GPC6: variants seen among roughly 807,000 people sequenced by gnomAD.
GPC6 encodes the protein glypican-6.
A neutral mutation model predicts 55.2 loss-of-function variants in GPC6; 14 were observed. The observed-to-expected ratio is 0.25, with a 90% CI of 0.17 to 0.40. GPC6 has a LOEUF of 0.40. GPC6 is among the 10% of genes least tolerant of loss of function. The probability of loss-of-function intolerance (pLI) is 1.00; values close to 1 mark genes in which losing one functional copy is unlikely to be tolerated. For synonymous variants in GPC6, 278 were observed against 259.6 expected (o/e 1.07, Z -0.68); for missense variants, 641 against 708.5 (o/e 0.90, Z 1.08).
intron 2 of GPC6, among the ~76,000 whole-genome samples, chr13:93,602,315 T>C (rs939633387): frequency 6.6e-6 from 1 of 152,172 alleles, no homozygotes; most frequent in Non-Finnish European, 1.5e-5. Flanking sequence ...TGGGTACAAA[T>C]TGAGGAAACA....
chr13:93,860,913 A>T (rs781277782), intron 3 of GPC6, among the ~76,000 whole-genome samples: 2 of 151,584 alleles, frequency 1.3e-5, no homozygotes, highest in Admixed American at 6.6e-5. Context: ...CATTTTTATC[A>T]TTAAAAGGGT....
chr13:93,339,683 T>G (rs1880172454), intron 1 of GPC6, among the ~76,000 whole-genome samples: 1 of 152,248 alleles, frequency 6.6e-6, no homozygotes, highest in Non-Finnish European at 1.5e-5. Context: ...TTGCAAGTTG[T>G]ACACTCATGC....
chr13:94,055,728 G>C (rs1409192303), intron 4 of GPC6, among the ~76,000 whole-genome samples: 1 of 152,120 alleles, frequency 6.6e-6, no homozygotes, highest in Non-Finnish European at 1.5e-5. Flanking sequence ...GCCCAACTCA[G>C]TAGATTTAAC....
intron 4 of GPC6, among the ~76,000 whole-genome samples, chr13:94,206,527 A>T (rs1889906493): frequency 6.6e-6 from 1 of 152,074 alleles, no homozygotes; most frequent in African/African-American, 2.4e-5. Context: ...TCCTGGAGAG[A>T]CTACCTCTCC....
chr13:94,030,518 A>G (rs532033743), intron 4 of GPC6, among the ~76,000 whole-genome samples: 1 of 152,320 alleles, frequency 6.6e-6, no homozygotes, highest in South Asian at 2.1e-4. Flanking sequence ...CATTTTCCAC[A>G]CAGATACATC....
intron 1 of GPC6, among the ~76,000 whole-genome samples, chr13:93,484,945 A>G (rs1879645259): frequency 6.6e-6 from 1 of 152,234 alleles, no homozygotes; most frequent in Admixed American, 6.5e-5. Context: ...AATACATTAA[A>G]ATATACATAC....
At chr13:93,802,075 AGTT>A (rs1488931136) in intron 2 of GPC6, among the ~76,000 whole-genome samples, 1 of 152,118 alleles carries the variant, frequency 6.6e-6, no homozygotes, top group Non-Finnish European at 1.5e-5. Flanking sequence ...AGTTCCCAGT[AGTT>A]TTATTTTTAC....
At chr13:93,656,034 A>T (rs2139605582) in intron 2 of GPC6, among the ~76,000 whole-genome samples, 1 of 152,324 alleles carries the variant, frequency 6.6e-6, no homozygotes, top group Admixed American at 6.5e-5. Context: ...GCAAGAAGTA[A>T]AATTTTAAAG....
intron 4 of GPC6, among the ~76,000 whole-genome samples, chr13:94,102,034 T>C (rs1367916104): frequency 6.6e-6 from 1 of 152,106 alleles, no homozygotes; most frequent in African/African-American, 2.4e-5. Context: ...ATGATTCATT[T>C]GAAGCATATT....
chr13:93,233,359 C>A (rs796959866), intron 1 of GPC6, among the ~76,000 whole-genome samples: 2 of 130,750 alleles, frequency 1.5e-5, no homozygotes, highest in East Asian at 2.3e-4. Flanking sequence ...AAAAAAAAAT[C>A]AAAATTTGGT....
At chr13:93,762,916 T>G (rs1022580613) in intron 2 of GPC6, among the ~76,000 whole-genome samples, 2 of 152,182 alleles carry the variant, frequency 1.3e-5, no homozygotes, top group Non-Finnish European at 2.9e-5. Context: ...AAGAAGACAT[T>G]GCATAAATCC....
chr13:93,448,075 A>G (rs1344088319), intron 1 of GPC6, among the ~76,000 whole-genome samples: 2 of 152,132 alleles, frequency 1.3e-5, no homozygotes, highest in Admixed American at 6.5e-5. Context: ...TTTCTTAAGT[A>G]TCTGTATGAT....
At chr13:93,794,940 C>T (rs1886153039) in intron 2 of GPC6, among the ~76,000 whole-genome samples, 2 of 152,200 alleles carry the variant, frequency 1.3e-5, no homozygotes. Context: ...TTTCCATCAG[C>T]CCCCTGAGAT....
chr13:93,677,597 CTG>C, intron 2 of GPC6, among the ~76,000 whole-genome samples: 1 of 152,210 alleles, frequency 6.6e-6, no homozygotes, highest in East Asian at 1.9e-4. Flanking sequence ...TGAGACTAAA[CTG>C]TGCTCAGACT....
intron 2 of GPC6, among the ~76,000 whole-genome samples, chr13:93,666,877 T>C (rs1881159791): frequency 6.6e-6 from 1 of 152,182 alleles, no homozygotes; most frequent in Non-Finnish European, 1.5e-5. Flanking sequence ...ACTCTGTATA[T>C]TTAACTGTGG....
intron 6 of GPC6, among the ~76,000 whole-genome samples, chr13:94,363,486 G>A (rs1879151927): frequency 6.6e-6 from 1 of 152,200 alleles, no homozygotes; most frequent in Non-Finnish European, 1.5e-5. Context: ...AGAGAAAAAT[G>A]AGTTCTGTTG....
intron 2 of GPC6, among the ~76,000 whole-genome samples, chr13:93,812,312 G>A (rs1355114449): frequency 6.6e-6 from 1 of 151,906 alleles, no homozygotes; most frequent in African/African-American, 2.4e-5. Flanking sequence ...CTTGAAACTG[G>A]GAGGCGGAGG....
chr13:93,332,421 A>T (rs1879887733), intron 1 of GPC6, among the ~76,000 whole-genome samples: 1 of 151,782 alleles, frequency 6.6e-6, no homozygotes, highest in Admixed American at 6.6e-5. Flanking sequence ...CTGGGGTGAG[A>T]TTTGCTCATT....
intron 2 of GPC6, among the ~76,000 whole-genome samples, chr13:93,638,692 T>C (rs1344869099): frequency 1.3e-5 from 2 of 152,036 alleles, no homozygotes; most frequent in African/African-American, 4.8e-5. Context: ...ACAGCTAAAG[T>C]TGATTAAAGA....
Sources: gnomAD v4.1 joint callset for allele counts (sites outside exome capture counted in the v4.1 genomes callset) on GRCh38, gnomAD v4.1.1 for gene constraint, MANE v1.5 for transcripts, NCBI Gene and HGNC (gene_info 2026-07-23, HGNC 2026-07-21) for gene names.